The following BPIFB4 variants were observed in gnomAD, a reference collection of about 807,000 sequenced individuals.
The protein encoded by BPIFB4 is BPI fold-containing family B member 4.
In BPIFB4, 62 loss-of-function variants were observed where a neutral mutation model predicts 69.2. That is an observed-to-expected ratio of 0.90 (90% CI 0.73 to 1.11). BPIFB4 has a LOEUF of 1.11. BPIFB4 is among the 50% of genes least tolerant of loss of function. The pLI is 0.00. For synonymous variants in BPIFB4, 330 were observed against 332.7 expected, an observed-to-expected ratio of 0.99 and a Z score of 0.09; for missense variants, 789 against 792.0, an observed-to-expected ratio of 1.00 and a Z score of 0.04.
chr20:33,100,527 T>C, intron 14 of BPIFB4, 34 bp downstream of exon 14: 1 of 1,569,112 alleles, frequency 6.4e-7, no homozygotes, highest in Non-Finnish European at 8.8e-7. Context: ...GTCCTGACGG[T>C]GCTGGTGCTG....
chr20:33,087,764 G>GCATA (rs1473254655), intron 7 of BPIFB4, among the ~76,000 whole-genome samples: 1 of 50,344 alleles, frequency 2.0e-5, no homozygotes, highest in Non-Finnish European at 3.9e-5. Flanking sequence ...AAGCATGCAT[G>GCATA]CATACACACA....
chr20:33,089,180 G>A (rs1600555914), intron 8 of BPIFB4, 151 bp downstream of exon 8: 2 of 1,208,886 alleles, frequency 1.7e-6, no homozygotes, highest in East Asian at 2.4e-5. Context: ...GGTCTGGGGA[G>A]GACCCTGAGG....
In BPIFB4 at chr20:33,083,352, T is replaced by C. The variant is rs748588838; in HGVS notation, c.170-15T>C. 1.9e-5 allele frequency: 30 copies of C among 1,608,206 alleles called. No homozygotes were observed. Among genetic ancestry groups the C allele is most frequent in the Non-Finnish European group, 2.3e-5 (27 of 1,176,244 alleles). Reference sequence around the variant, plus strand: ...CACCATTACAATGACTACAGACGCATTGAATTCCCCCGAGGTGTTGGTGAT... The same window carrying C: ...CACCATTACAATGACTACAGACGCACTGAATTCCCCCGAGGTGTTGGTGAT... On this transcript the variant is annotated splice_polypyrimidine_tract_variant and intron_variant, in intron 4 of 17. Transcript: ENST00000375483.
rs138732736 is a variant in BPIFB4, at chr20:33,107,812, G to A, written c.1813G>A (p.Val605Met). 3.3e-5 allele frequency: 54 copies of A among 1,613,798 alleles called. No individual in the cohort carries two copies. In the African/African-American group the frequency reaches 6.1e-4, roughly 18 times the overall value. Residue 605 changes from valine (V) to methionine (M), a missense_variant, in exon 17 of 18, where the codon GTG becomes ATG. By Grantham distance (21) the Val-to-Met change is conservative. This residue lies in a region of BPIFB4 where 170 missense variants were observed against 193.6 expected (regional missense o/e 0.88). Coordinates refer to ENST00000375483, the MANE Select transcript of BPIFB4 (RefSeq NM_182519.3). ...NIDFSNADID[V>M]LEDLLVLSA ...CGACTTTAGCAATGCAGACATTGACGTGTTGGAGGTAAGAGGAGATCGAGC... is the reference window on the plus strand; with the variant it reads ...CGACTTTAGCAATGCAGACATTGACATGTTGGAGGTAAGAGGAGATCGAGC...
In BPIFB4 at chr20:33,081,755, T is replaced by C. The variant is rs1190268995; in HGVS notation, c.106+123T>C. 2.1e-6 allele frequency: 3 copies of C among 1,463,180 alleles called. No homozygotes were observed. The African/African-American group carries it at 4.2e-5, about 21-fold the overall frequency. The allele number at this position is 1,463,180 out of a possible 1,614,324, so 90.6% of individuals were successfully genotyped here. A position where few individuals can be genotyped will look rare whatever the true frequency, so the allele number is the denominator to read the frequency against. On this transcript the variant is annotated intron_variant, in intron 3 of 17. Transcript: ENST00000375483. Reference sequence around the variant, plus strand: ...TCACATCGGGAGGCTGGGTGAATTCTACTCTCTGGGCCTTAGTTTCTCCTT... The same window carrying C: ...TCACATCGGGAGGCTGGGTGAATTCCACTCTCTGGGCCTTAGTTTCTCCTT...
chr20:33,089,847 C>T (rs2146406817), intron 9 of BPIFB4, among the ~76,000 whole-genome samples: 1 of 152,252 alleles, frequency 6.6e-6, no homozygotes, highest in African/African-American at 2.4e-5. Flanking sequence ...GTCCTGGGAG[C>T]CAGGAAGCTG....
intron 15 of BPIFB4, among the ~76,000 whole-genome samples, chr20:33,104,547 C>G (rs1981990714): frequency 6.6e-6 from 1 of 152,216 alleles, no homozygotes; most frequent in South Asian, 2.1e-4. Flanking sequence ...CTAGGCCTCC[C>G]TCAATCCCTG....
At chr20:33,084,278 C>G (rs1450491384) in intron 5 of BPIFB4, among the ~76,000 whole-genome samples, 1 of 152,196 alleles carries the variant, frequency 6.6e-6, no homozygotes, top group Admixed American at 6.5e-5. Flanking sequence ...ATTTAAAGCT[C>G]CTGCTATGTG....
intron 7 of BPIFB4, among the ~76,000 whole-genome samples, chr20:33,087,753 C>CACACACACACAA (rs56030970): frequency 0.061 from 8,599 of 140,652 alleles, 422 homozygotes; most frequent in Middle Eastern, 0.078. Flanking sequence ...CACACACACA[C>CACACACACACAA]AAGCATGCAT....
Position 33,086,101 on chromosome 20 carries a change from C to G in BPIFB4, c.863C>G (p.Pro288Arg), listed in dbSNP as rs376957231. 6.2e-7 allele frequency: 1 copy of G among 1,613,578 alleles called. No individual in the cohort carries two copies. The highest frequency in any genetic ancestry group is 8.5e-7 in the Non-Finnish European group (1 of 1,179,530). ...VRLTMDRTGY[P>R]RLVIERCDTL... The stretch of plus-strand genomic sequence containing the variant: ...CTGACCATGGACCGCACGGGTTATC[C>G]TCGGCTGGTCATTGAGCGATGTGAC... Residue 288 changes from proline (P) to arginine (R), a missense_variant, in exon 7 of 18, where the codon CCT becomes CGT. Pro to Arg is a moderately radical substitution (Grantham distance 103). This residue lies in a region of BPIFB4 where 611 missense variants were observed against 575.4 expected (regional missense o/e 1.06). Coordinates refer to ENST00000375483, the MANE Select transcript of BPIFB4 (RefSeq NM_182519.3).
At chr20:33,102,128 G>A (rs887624862) in intron 14 of BPIFB4, among the ~76,000 whole-genome samples, 44 of 152,244 alleles carry the variant, frequency 2.9e-4, no homozygotes, top group African/African-American at 1.1e-3. Context: ...TGCAGGGAGA[G>A]CAGCATGGGC....
At position 33,111,583 on chromosome 20, in the gene BPIFB4, C is replaced by G. The variant is rs1276048841; in HGVS notation, c.*146C>G. 1.0e-6 allele frequency: 1 copy of G among 984,242 alleles called. No individual in the cohort carries two copies. The highest frequency in any genetic ancestry group is 1.5e-6 in the Non-Finnish European group (1 of 651,786). 61.0% of individuals were successfully genotyped at this position (984,242 alleles called of 1,614,324 possible). ...GCCCCCCAACCCTCTTCCTCCCTTG[C>G]CCCAACCCTGAGAAAGGGTCCAGCC... On this transcript the variant is annotated 3_prime_UTR_variant, in exon 18 of 18. Transcript: ENST00000375483.
Position 33,111,661 on chromosome 20 carries a change from G to T in BPIFB4, c.*224G>T. The T allele has an allele frequency of 1.7e-6, 1 of 583,922 alleles. No homozygotes were observed. Among genetic ancestry groups the T allele is most frequent in the East Asian group, 2.8e-5 (1 of 35,474 alleles). The allele number at this position is 583,922 out of a possible 1,614,324, so 36.2% of individuals were successfully genotyped here. The stretch of plus-strand genomic sequence containing the variant: ...CATGGTCAGCCTGCCAGGAGGAGGG[G>T]AGTCACCTTGGGGCTGGAGGCCTCT... On this transcript the variant is annotated 3_prime_UTR_variant, in exon 18 of 18. Coordinates refer to ENST00000375483, the MANE Select transcript of BPIFB4 (RefSeq NM_182519.3).
intron 14 of BPIFB4, among the ~76,000 whole-genome samples, chr20:33,101,000 G>T (rs1474588581): frequency 9.2e-5 from 14 of 152,182 alleles, no homozygotes; most frequent in Non-Finnish European, 1.0e-4. Flanking sequence ...AGCTATGATT[G>T]TGCCACTGCA....
intron 9 of BPIFB4, among the ~76,000 whole-genome samples, chr20:33,090,443 G>A (rs1232137559): frequency 6.6e-6 from 1 of 152,166 alleles, no homozygotes; most frequent in African/African-American, 2.4e-5. Flanking sequence ...GCACCCCCCT[G>A]CCCCCACCAA....
chr20:33,083,102 G>A, intron 4 of BPIFB4, 102 bp downstream of exon 4: 1 of 1,005,670 alleles, frequency 9.9e-7, no homozygotes, highest in African/African-American at 1.7e-5. Flanking sequence ...GGGCCTGCTT[G>A]GTGGTGGGGG....
chr20:33,095,316 C>A (rs1321282303), intron 12 of BPIFB4, among the ~76,000 whole-genome samples, 163 bp downstream of exon 12: 1 of 152,148 alleles, frequency 6.6e-6, no homozygotes, highest in Admixed American at 6.5e-5. Context: ...GCTAGACCCC[C>A]ATGGGTGGGG....
intron 12 of BPIFB4, 85 bp downstream of exon 12, chr20:33,095,238 C>T (rs12329638): frequency 0.044 from 61,883 of 1,414,952 alleles, 2,342 homozygotes; most frequent in African/African-American, 0.2. Context: ...AGATGCTCAG[C>T]GCTGGGGTGG....
chr20:33,103,749 A>G lies in BPIFB4; in HGVS notation c.1680+735A>G, dbSNP rs1466329699. 2.6e-5 allele frequency among the ~76,000 whole-genome samples: 4 copies of G among 152,308 alleles called. No homozygotes were observed. In the East Asian group the frequency reaches 7.7e-4, roughly 29 times the overall value. Reference sequence around the variant, plus strand: ...CCATTCATTGTGTTGCTAATTTTATAGCTTTTCTAACCCAAAAAGCTACAG... The same window carrying G: ...CCATTCATTGTGTTGCTAATTTTATGGCTTTTCTAACCCAAAAAGCTACAG... On this transcript the variant is annotated intron_variant, in intron 15 of 17. Transcript: ENST00000375483.
Sources: gnomAD v4.1 joint callset for allele counts (sites outside exome capture counted in the v4.1 genomes callset) on GRCh38, gnomAD v4.1.1 for gene constraint, gnomAD v4.1.1 regional missense constraint, MANE v1.5 for transcripts, NCBI Gene and HGNC (gene_info 2026-07-23, HGNC 2026-07-21) for gene names.